The following KDELR1 variants were observed in gnomAD, a reference collection of about 807,000 sequenced individuals.
KDELR1 encodes the protein ER lumen protein-retaining receptor 1.
A neutral mutation model predicts 25.5 loss-of-function variants in KDELR1; 16 were observed. That is an observed-to-expected ratio of 0.63 (90% confidence interval 0.43 to 0.95). The LOEUF is 0.95. Ranked by LOEUF, KDELR1 falls within the 40% of genes least tolerant of loss-of-function variation. KDELR1 has a pLI of 0.00. For synonymous variants in KDELR1, 121 were observed against 115.0 expected (o/e 1.05, Z -0.33); for missense variants, 159 against 265.2 (o/e 0.60, Z 2.78).
rs45510098 is a variant in KDELR1 at position 48,391,411 on chromosome 19, G to C, written c.-53C>G. 4 of 1,441,104 alleles carry C rather than the reference G, an allele frequency of 2.8e-6. No homozygotes were observed. The South Asian group carries it at 3.7e-5, about 13-fold the overall frequency. The allele number at this position is 1,441,104 out of a possible 1,614,324, so 89.3% of individuals were successfully genotyped here. The stretch of plus-strand genomic sequence containing the variant: ...GGGAGGGAGGCAGGCTGGCGGGGGG[G>C]TGCCCCCCGAGGCTGCTGGTCTGAA... On this transcript the variant is annotated 5_prime_UTR_variant, in exon 1 of 5. Transcript: ENST00000330720.
upstream of KDELR1, chr19:48,394,994 G>A (rs1386645647): frequency 6.6e-6 from 1 of 152,596 alleles, no homozygotes; most frequent in African/African-American, 2.4e-5. The surrounding 1 kb of genome is among the most constrained non-coding windows in gnomAD (Gnocchi z 5.1). Flanking sequence ...CCCAAATCTA[G>A]GACAGAGGAA....
At chr19:48,391,004 A>G (rs2147425126) in intron 1 of KDELR1, 2 of 544,836 alleles carry the variant, frequency 3.7e-6, no homozygotes, top group South Asian at 2.0e-5. Flanking sequence ...TTCCCGGTCC[A>G]TGAACCCTCG....
the KDELR1 span, among the ~76,000 whole-genome samples, chr19:48,397,262 C>T: frequency 3.2e-4 from 48 of 152,234 alleles, 4 homozygotes; most frequent in East Asian, 3.5e-3. Flanking sequence ...GATTTTCTCT[C>T]CTTGGGGTGC....
At chr19:48,396,871 C>T in the KDELR1 span, among the ~76,000 whole-genome samples, 1 of 152,020 alleles carries the variant, frequency 6.6e-6, no homozygotes, top group African/African-American at 2.4e-5. Flanking sequence ...TTGTCTGGAC[C>T]CTCACCCCTT....
At chr19:48,385,441 C>A (rs1970488024) in intron 3 of KDELR1, among the ~76,000 whole-genome samples, 1 of 152,186 alleles carries the variant, frequency 6.6e-6, no homozygotes, top group African/African-American at 2.4e-5. Flanking sequence ...ACCCCGTGGC[C>A]CTAGCACCTA....
chr19:48,395,160 C>T (rs568496914), upstream of KDELR1, among the ~76,000 whole-genome samples: 5 of 151,994 alleles, frequency 3.3e-5, no homozygotes, highest in Admixed American at 6.5e-5. Flanking sequence ...AGACCTTTCA[C>T]GCCCCCATTT....
intron 4 of KDELR1, among the ~76,000 whole-genome samples, 172 bp from the exon 5 acceptor site, chr19:48,383,499 C>G (rs1226819918): frequency 6.6e-6 from 1 of 152,044 alleles, no homozygotes; most frequent in African/African-American, 2.4e-5. Flanking sequence ...CCCTTTCTCA[C>G]TACTGGCAAT....
upstream of KDELR1, among the ~76,000 whole-genome samples, chr19:48,395,364 C>G (rs185838710): frequency 1.3e-5 from 2 of 151,944 alleles, no homozygotes; most frequent in Non-Finnish European, 2.9e-5. Flanking sequence ...TTAATACCCC[C>G]GCCAAGGACC....
chr19:48,390,821 G>A (rs994328683), intron 1 of KDELR1: 9 of 447,336 alleles, frequency 2.0e-5, no homozygotes, highest in Non-Finnish European at 3.3e-5. Context: ...AGGCCTCATG[G>A]CTACCCCTGG....
At chr19:48,389,816 C>A in intron 2 of KDELR1, 105 bp from the exon 3 acceptor site, 4 of 1,235,824 alleles carry the variant, frequency 3.2e-6, no homozygotes. Context: ...GAGTCCAGAC[C>A]CCCAACCCCT....
Position 48,390,483 on chromosome 19 carries a change from T to C in KDELR1, c.133A>G (p.Thr45Ala). The change falls in exon 2 of 5, where the codon ACT becomes GCT. Residue 45 changes from threonine (T) to alanine (A), a missense_variant. Physicochemically the swap from Thr to Ala is moderately conservative, Grantham distance 58. Coordinates refer to ENST00000330720, the MANE Select transcript of KDELR1 (RefSeq NM_006801.3). ...GTGAAGAGGTCCAGATATCGGGCAG[T>C]GAACACCACAGCAAACAGGACCTGG... ...KSQVLFAVVF[T>A]ARYLDLFTNY... The C allele has an allele frequency of 6.2e-7, 1 of 1,613,914 alleles. No homozygotes were observed. Among genetic ancestry groups the C allele is most frequent in the South Asian group, 1.1e-5 (1 of 91,074 alleles).
chr19:48,388,714 AAAAGGAAGAAAAGGAAG>A (rs1241681828), intron 3 of KDELR1, among the ~76,000 whole-genome samples: 3 of 100,776 alleles, frequency 3.0e-5, no homozygotes, highest in Admixed American at 9.6e-5. Context: ...AGAAAGGAAG[AAAAGGAAGAAAAGGAAG>A]AAAGGAAGAA....
At chr19:48,396,270 G>C (rs945954953), upstream of KDELR1, among the ~76,000 whole-genome samples, 1 of 152,068 alleles carries the variant, frequency 6.6e-6, no homozygotes, top group African/African-American at 2.4e-5. Flanking sequence ...TGGAGGACTG[G>C]GGATGCCCCT....
chr19:48,385,274 C>T (rs275848), intron 3 of KDELR1, among the ~76,000 whole-genome samples: 36,507 of 152,116 alleles, frequency 0.24, 5,525 homozygotes, highest in African/African-American at 0.41. Context: ...CTGCCTCCTC[C>T]GTATTCTCCC....
Position 48,391,548 on chromosome 19 carries a change from G to A in KDELR1, c.-190C>T, listed in dbSNP as rs553814544. On this transcript the variant is annotated 5_prime_UTR_variant, in exon 1 of 5. Coordinates refer to ENST00000330720, the MANE Select transcript of KDELR1 (RefSeq NM_006801.3). ...GAGCTGGCGGCGGAGCTGGAGCCGG[G>A]AAGAGGGAGGAGAGCGAGAGGGGGA... 364 of 586,466 alleles carry A rather than the reference G, an allele frequency of 6.2e-4. 4 individuals carry two copies. In the South Asian group the frequency reaches 6.8e-3, roughly 11 times the overall value. 36.3% of individuals were successfully genotyped at this position (586,466 alleles called of 1,614,324 possible).
In KDELR1 at chr19:48,384,212, G is replaced by A. The variant is rs886337004; in HGVS notation, c.604+18C>T. 9.9e-6 allele frequency: 16 copies of A among 1,611,922 alleles called. No individual in the cohort carries two copies. The highest frequency in any genetic ancestry group is 9.3e-5 in the African/African-American group (7 of 74,888). On this transcript the variant is annotated intron_variant, in intron 4 of 4. Coordinates refer to ENST00000330720, the MANE Select transcript of KDELR1 (RefSeq NM_006801.3). The surrounding 1 kb of genome is among the most constrained non-coding windows in gnomAD (Gnocchi z 4.6). ...AGAAATAGGAGGTTCCCTTCCAGCC[G>A]TCCCACATTCCAGCTACCTTTGGTG...
At chr19:48,394,705 T>C (rs1970615212), upstream of KDELR1, among the ~76,000 whole-genome samples, 1 of 152,038 alleles carries the variant, frequency 6.6e-6, no homozygotes, top group Admixed American at 6.5e-5. This position sits in a 1 kb window ranked among gnomAD's most constrained non-coding sequence, Gnocchi z 5.1. Flanking sequence ...GGCCGCAACC[T>C]TGGGGGAGAG....
chr19:48,385,446 C>T (rs914174824), intron 3 of KDELR1, among the ~76,000 whole-genome samples: 1 of 152,232 alleles, frequency 6.6e-6, no homozygotes, highest in African/African-American at 2.4e-5. Context: ...GTGGCCCTAG[C>T]ACCTAGCACA....
At chr19:48,388,793 GAA>G (rs1293603367) in intron 3 of KDELR1, among the ~76,000 whole-genome samples, 2 of 144,464 alleles carry the variant, frequency 1.4e-5, no homozygotes, top group East Asian at 2.0e-4. Context: ...AGAAAGGAAA[GAA>G]AGAGAAAGAA....
Sources: gnomAD v4.1 joint callset for allele counts (sites outside exome capture counted in the v4.1 genomes callset) on GRCh38, gnomAD v4.1.1 for gene constraint, Gnocchi (gnomAD v3.1) non-coding constraint, MANE v1.5 for transcripts, NCBI Gene and HGNC (gene_info 2026-07-23, HGNC 2026-07-21) for gene names.